Variants in LMTK3 observed in about 807,000 individuals in gnomAD.
LMTK3 encodes the protein serine/threonine-protein kinase LMTK3.
LMTK3 carries 27 observed loss-of-function variants against 116.7 expected under a neutral mutation model. The observed-to-expected ratio is 0.23, with a 90% CI of 0.17 to 0.32. The LOEUF (loss-of-function observed/expected upper bound fraction) is 0.32, where lower values mean the gene tolerates loss of function less well. Ranked by LOEUF, LMTK3 falls within the 10% of genes least tolerant of loss-of-function variation. The probability of loss-of-function intolerance (pLI) is 1.00; values close to 1 mark genes in which losing one functional copy is unlikely to be tolerated. For synonymous variants in LMTK3, 965 were observed against 971.0 expected (o/e 0.99, Z 0.11); for missense variants, 1,764 against 2,068.5 (o/e 0.85, Z 2.86).
intron 14 of LMTK3, among the ~76,000 whole-genome samples, chr19:48,486,203 G>A (rs990280484): frequency 3.4e-5 from 5 of 148,974 alleles, no homozygotes; most frequent in Non-Finnish European, 6.0e-5. Flanking sequence ...GGGACTACAG[G>A]CGCCCGCCAC....
Position 48,499,113 on chromosome 19 carries a change from T to C in LMTK3, c.1956A>G (p.Glu652=). 1 of 1,559,152 alleles carries C rather than the reference T, an allele frequency of 6.4e-7. No individual in the cohort carries two copies. Among genetic ancestry groups the C allele is most frequent in the Non-Finnish European group, 8.6e-7 (1 of 1,157,106 alleles). ...EEEEEGSSPG[E]DSSSLGGGPS... ...GGCCACCTCCAAGGCTGCTGCTGTC[T>C]TCCCCTGGGGAGCTGCCCTCCTCCT... The change falls in exon 11 of 15, where the codon GAA becomes GAG. Residue 652 remains glutamate, a synonymous_variant. Coordinates refer to ENST00000600059, the MANE Select transcript of LMTK3 (RefSeq NM_001388485.1).
chr19:48,485,814 GA>G (rs766184735), intron 14 of LMTK3, 25 bp from the exon 15 acceptor site: 18 of 1,602,536 alleles, frequency 1.1e-5, no homozygotes, highest in Non-Finnish European at 1.5e-5. Context: ...AGGAGACAGA[GA>G]AATGAAATTA....
intron 14 of LMTK3, among the ~76,000 whole-genome samples, chr19:48,486,185 A>G (rs372756449): frequency 2.0e-4 from 29 of 142,242 alleles, no homozygotes; most frequent in South Asian, 4.5e-4. Context: ...TCAGCCTCCC[A>G]AGTAGCTGGG....
chr19:48,489,029 G>A (rs1569098491), intron 14 of LMTK3, among the ~76,000 whole-genome samples: 1 of 152,270 alleles, frequency 6.6e-6, no homozygotes, highest in East Asian at 1.9e-4. Flanking sequence ...GTAAGCCACT[G>A]TGCCTGGCCT....
At chr19:48,512,563 G>A (rs554359908), upstream of LMTK3, among the ~76,000 whole-genome samples, 4 of 152,140 alleles carry the variant, frequency 2.6e-5, no homozygotes, top group South Asian at 8.3e-4. Flanking sequence ...GACAGCAATT[G>A]CACAGACACA....
Position 48,499,391 on chromosome 19 carries a change from G to C in LMTK3, c.1678C>G (p.Leu560Val), listed in dbSNP as rs1972415533. Reference sequence around the variant, plus strand: ...TGAGGGGCGGGCACTCCTGGGTCCAGGGGGTCCCAGTCGTTGGGGAAGAGG... The same window carrying C: ...TGAGGGGCGGGCACTCCTGGGTCCACGGGGTCCCAGTCGTTGGGGAAGAGG... ...EPLFPNDWDP[L>V]DPGVPAPQAP... The change falls in exon 11 of 15, where the codon CTG (leucine) becomes GTG (valine). Residue 560 changes from leucine (L) to valine (V), a missense_variant. Coordinates refer to ENST00000600059, the MANE Select transcript of LMTK3 (RefSeq NM_001388485.1). The C allele has an allele frequency of 1.4e-6, 2 of 1,445,050 alleles. No homozygotes were observed. Among genetic ancestry groups the C allele is most frequent in the Admixed American group, 2.9e-5 (1 of 34,818 alleles). The allele number at this position is 1,445,050 out of a possible 1,614,324, so 89.5% of individuals were successfully genotyped here. A position where few individuals can be genotyped will look rare whatever the true frequency, so the allele number is the denominator to read the frequency against.
Position 48,491,190 on chromosome 19 carries a change from CG to C in LMTK3, c.4283del (p.Pro1428ArgfsTer56). 5.9e-6 allele frequency: 6 copies of C among 1,025,586 alleles called. No homozygotes were observed. Among genetic ancestry groups the C allele is most frequent in the East Asian group, 7.5e-5 (1 of 13,348 alleles). 63.5% of individuals were successfully genotyped at this position (1,025,586 alleles called of 1,614,324 possible). A position where few individuals can be genotyped will look rare whatever the true frequency, so the allele number is the denominator to read the frequency against. ...DFPLLPPPGP[P>X]LCFSRFSVSP... Reference sequence around the variant, plus strand: ...AGACGGAGAAGCGGGAGAAGCACAGCGGGGGGCCTGGAGGGGGGAGGAGGGG... The same window carrying C: ...AGACGGAGAAGCGGGAGAAGCACAGCGGGGGCCTGGAGGGGGGAGGAGGGG... On this transcript the variant is annotated frameshift_variant, in exon 14 of 15. Coordinates refer to ENST00000600059, the MANE Select transcript of LMTK3 (RefSeq NM_001388485.1). LOFTEE classifies it high-confidence loss of function. The surrounding 1 kb of genome is among the most constrained non-coding windows in gnomAD (Gnocchi z 5.1).
upstream of LMTK3, among the ~76,000 whole-genome samples, chr19:48,512,084 G>A (rs2147565263): frequency 6.6e-6 from 1 of 152,190 alleles, no homozygotes; most frequent in South Asian, 2.1e-4. Flanking sequence ...CGGGTGCCTG[G>A]CCCGGACACC....
At chr19:48,505,129 T>TTTTTAGA in intron 5 of LMTK3, among the ~76,000 whole-genome samples, 1 of 137,032 alleles carries the variant, frequency 7.3e-6, no homozygotes, top group Non-Finnish European at 1.6e-5. Context: ...TTTTTTTTTT[T>TTTTTAGA]ATGAGACAGA....
Position 48,497,196 on chromosome 19 carries a change from C to G in LMTK3, c.3676+197G>C, listed in dbSNP as rs143878134. On this transcript the variant is annotated intron_variant, in intron 11 of 14. Transcript: ENST00000600059. This position sits in a 1 kb window ranked among gnomAD's most constrained non-coding sequence, Gnocchi z 5.7. ...TTTGGCAGATGGGTAAACTGAGGCACCGTGCAGCAAGGACATTTGCCCAAG... is the reference window on the plus strand; with the variant it reads ...TTTGGCAGATGGGTAAACTGAGGCAGCGTGCAGCAAGGACATTTGCCCAAG... Among the ~76,000 whole-genome samples the G allele has an allele frequency of 6.6e-6, 1 of 152,202 alleles. No individual in the cohort carries two copies. Among genetic ancestry groups the G allele is most frequent in the African/African-American group, 2.4e-5 (1 of 41,448 alleles).
At position 48,491,045 on chromosome 19, in the gene LMTK3, T is replaced by A; in HGVS notation, c.4366+63A>T. On this transcript the variant is annotated intron_variant, in intron 14 of 14. Coordinates refer to ENST00000600059, the MANE Select transcript of LMTK3 (RefSeq NM_001388485.1). This position sits in a 1 kb window ranked among gnomAD's most constrained non-coding sequence, Gnocchi z 5.1. ...ACATTGAAAGATGGTCACAAGAAGT[T>A]GGCAGTGGAACATAGGGGGACAGAG... 1 of 1,088,548 alleles carries A rather than the reference T, an allele frequency of 9.2e-7. No homozygotes were observed. The highest frequency in any genetic ancestry group is 1.2e-6 in the Non-Finnish European group (1 of 842,004). The allele number at this position is 1,088,548 out of a possible 1,614,324, so 67.4% of individuals were successfully genotyped here. A position where few individuals can be genotyped will look rare whatever the true frequency, so the allele number is the denominator to read the frequency against.
In LMTK3 at chr19:48,498,344, C is replaced by G; in HGVS notation, c.2725G>C (p.Val909Leu). The G allele has an allele frequency of 3.7e-6, 6 of 1,613,284 alleles. No homozygotes were observed. Among genetic ancestry groups the G allele is most frequent in the Non-Finnish European group, 5.1e-6 (6 of 1,179,782 alleles). The change falls in exon 11 of 15, where the codon GTC (valine) becomes CTC (leucine). Residue 909 changes from valine to leucine, a missense_variant. Val to Leu is a conservative substitution (Grantham distance 32, BLOSUM62 1). Transcript: ENST00000600059. ...GGGGCTTGTTTCCCGTTGCCCAGGA[C>G]TGTCGGGTCCCTGTTCAGGCCCGGG... ...KVPGLNRDPT[V>L]LGNGKQAPSL...
At chr19:48,486,419 C>T (rs1469008170) in intron 14 of LMTK3, among the ~76,000 whole-genome samples, 1 of 152,050 alleles carries the variant, frequency 6.6e-6, no homozygotes, top group East Asian at 1.9e-4. Context: ...CCACAGAGTC[C>T]TTCCCCAACC....
intron 12 of LMTK3, among the ~76,000 whole-genome samples, chr19:48,493,087 C>T (rs2147533334): frequency 6.6e-6 from 1 of 151,342 alleles, no homozygotes; most frequent in East Asian, 2.0e-4. Flanking sequence ...CCCATTCCAG[C>T]CTTGGATTTT....
In LMTK3 at chr19:48,509,417, C is replaced by G. The variant is rs551636239; in HGVS notation, c.438+20G>C. 1 of 1,549,566 alleles carries G rather than the reference C, an allele frequency of 6.5e-7. No individual in the cohort carries two copies. The highest frequency in any genetic ancestry group is 8.7e-7 in the Non-Finnish European group (1 of 1,145,168). On this transcript the variant is annotated intron_variant, in intron 4 of 14. Coordinates refer to ENST00000600059, the MANE Select transcript of LMTK3 (RefSeq NM_001388485.1). ...GCTCGGGATCCATGGAGCCCTGCCTCCCCTCCCCAGCCCACTCACCTTCCC... is the reference window on the plus strand; with the variant it reads ...GCTCGGGATCCATGGAGCCCTGCCTGCCCTCCCCAGCCCACTCACCTTCCC...
At chr19:48,503,742 C>T (rs1027403502) in intron 5 of LMTK3, among the ~76,000 whole-genome samples, 2 of 152,164 alleles carry the variant, frequency 1.3e-5, no homozygotes, top group African/African-American at 4.8e-5. Context: ...TGGGTTTTCC[C>T]AAACCTGCAG....
intron 14 of LMTK3, among the ~76,000 whole-genome samples, chr19:48,486,355 G>C (rs546785082): frequency 6.6e-5 from 10 of 151,076 alleles, no homozygotes; most frequent in African/African-American, 2.5e-4. Context: ...CACCGCGCCC[G>C]GCCTTTTGGA....
intron 5 of LMTK3, among the ~76,000 whole-genome samples, chr19:48,504,835 AC>A (rs1317457695): frequency 6.6e-6 from 1 of 152,172 alleles, no homozygotes; most frequent in Non-Finnish European, 1.5e-5. Context: ...GGCATGAGCC[AC>A]CGTGCCCAGG....
At position 48,500,907 on chromosome 19, in the gene LMTK3, T is replaced by A. The variant is rs1321200763; in HGVS notation, c.1151+89A>T. The A allele has an allele frequency of 7.7e-7, 1 of 1,300,364 alleles. No individual in the cohort carries two copies. Among genetic ancestry groups the A allele is most frequent in the Non-Finnish European group, 1.0e-6 (1 of 969,690 alleles). 80.6% of individuals were successfully genotyped at this position (1,300,364 alleles called of 1,614,324 possible). The stretch of plus-strand genomic sequence containing the variant: ...TGAGGGGTATGGAGGGCAAACGGGA[T>A]GTGGGTGATGTGGGAAACGAGGGGG... On this transcript the variant is annotated intron_variant, in intron 10 of 14. Coordinates refer to ENST00000600059, the MANE Select transcript of LMTK3 (RefSeq NM_001388485.1). This position sits in a 1 kb window ranked among gnomAD's most constrained non-coding sequence, Gnocchi z 4.0.
Sources: gnomAD v4.1 joint callset for allele counts (sites outside exome capture counted in the v4.1 genomes callset) on GRCh38, gnomAD v4.1.1 for gene constraint, Gnocchi (gnomAD v3.1) non-coding constraint, MANE v1.5 for transcripts, NCBI Gene and HGNC (gene_info 2026-07-23, HGNC 2026-07-21) for gene names.